The following MARK4 variants were observed in gnomAD, a reference collection of about 807,000 sequenced individuals.
MARK4 encodes the protein microtubule affinity regulating kinase 4.
In MARK4, 19 loss-of-function variants were observed where a neutral mutation model predicts 81.5. The ratio of observed to expected loss-of-function variants is 0.23; its 90% confidence interval spans 0.16 to 0.34. The LOEUF (loss-of-function observed/expected upper bound fraction) is 0.34. MARK4 is among the 10% of genes least tolerant of loss of function. MARK4 has a pLI of 1.00. For missense variants in MARK4, 772 were observed against 1,058.8 expected, an observed-to-expected ratio of 0.73 and a Z score of 3.76; for synonymous variants, 436 against 439.0, an observed-to-expected ratio of 0.99 and a Z score of 0.08.
intron 12 of MARK4, among the ~76,000 whole-genome samples, chr19:45,284,387 A>T (rs1042498783): frequency 6.6e-6 from 1 of 150,696 alleles, no homozygotes; most frequent in African/African-American, 2.4e-5. Flanking sequence ...CAGTGGCGCA[A>T]TCTTGGCTCA....
intron 12 of MARK4, among the ~76,000 whole-genome samples, chr19:45,286,298 C>G (rs1482046666): frequency 6.6e-6 from 1 of 152,066 alleles, no homozygotes; most frequent in East Asian, 2.0e-4. Flanking sequence ...TTGTGATCCA[C>G]CCGCCTTAGC....
chr19:45,300,344 GA>G (rs745730201), intron 16 of MARK4, among the ~76,000 whole-genome samples: 1 of 32,336 alleles, frequency 3.1e-5, no homozygotes, highest in Non-Finnish European at 5.7e-5. Context: ...AACTCCGTCT[GA>G]AAAAAAAAAA....
chr19:45,253,871 C>T (rs1970274979), intron 1 of MARK4, among the ~76,000 whole-genome samples: 1 of 152,148 alleles, frequency 6.6e-6, no homozygotes, highest in Non-Finnish European at 1.5e-5. Context: ...AGTAACCTTA[C>T]CTCTCTGAGC....
At chr19:45,278,179 G>A (rs376826420) in intron 9 of MARK4, 137 bp downstream of exon 9, 7 of 1,306,152 alleles carry the variant, frequency 5.4e-6, no homozygotes, top group South Asian at 1.4e-5. Flanking sequence ...GCTGGTGAGT[G>A]GGGGTAGACA....
chr19:45,260,935 A>G (rs926835797), intron 2 of MARK4, among the ~76,000 whole-genome samples: 1 of 152,186 alleles, frequency 6.6e-6, no homozygotes. Flanking sequence ...AAAAGGGCCC[A>G]CACAGGCTTT....
At chr19:45,299,546 T>C (rs1407575551) in intron 15 of MARK4, among the ~76,000 whole-genome samples, 3 of 152,096 alleles carry the variant, frequency 2.0e-5, no homozygotes, top group Middle Eastern at 3.2e-3. Context: ...TGGCCACTTA[T>C]CTATGTAAGG....
Position 45,302,389 on chromosome 19 carries a change from G to C in MARK4, c.1938G>C (p.Trp646Cys). 1 of 1,614,082 alleles carries C rather than the reference G, an allele frequency of 6.2e-7. No homozygotes were observed. The highest frequency in any genetic ancestry group is 8.5e-7 in the Non-Finnish European group (1 of 1,179,974). ...CTCGCCTCAGTTGCCATCTACCTTG[G>C]GATCAAACGGAAACCGCCCCCCGGC... is the stretch of plus-strand genomic sequence containing the variant. ...GPEVTSCHLP[W>C]DQTETAPRLL... Residue 646 changes from tryptophan (W) to cysteine (C), a missense_variant, in exon 17 of 17, where the codon TGG becomes TGC. By Grantham distance (215) the Trp-to-Cys change is radical. Coordinates refer to ENST00000262891, the MANE Select transcript of MARK4 (RefSeq NM_001199867.2). The surrounding 1 kb of genome is among the most constrained non-coding windows in gnomAD (Gnocchi z 4.9).
intron 6 of MARK4, among the ~76,000 whole-genome samples, chr19:45,265,479 C>A (rs935458790): frequency 4.0e-5 from 6 of 150,736 alleles, no homozygotes; most frequent in Non-Finnish European, 5.9e-5. Context: ...AGTGAGGACA[C>A]CCAGGTGTGT....
chr19:45,283,665 T>A (rs1970706419), intron 12 of MARK4, among the ~76,000 whole-genome samples: 2 of 152,188 alleles, frequency 1.3e-5, no homozygotes, highest in Non-Finnish European at 2.9e-5. Flanking sequence ...GACCACATTT[T>A]GTTTATCCAT....
intron 7 of MARK4, among the ~76,000 whole-genome samples, chr19:45,269,757 A>G (rs1340812653): frequency 1.3e-5 from 2 of 152,236 alleles, no homozygotes; most frequent in Non-Finnish European, 2.9e-5. Flanking sequence ...GGCCTCCCAC[A>G]GCTTCTGTTT....
chr19:45,301,285 C>T (rs576999572), intron 16 of MARK4, among the ~76,000 whole-genome samples: 4 of 152,208 alleles, frequency 2.6e-5, no homozygotes, highest in African/African-American at 9.6e-5. Flanking sequence ...AAGAAGTGGC[C>T]GGGCACTGTG....
At chr19:45,278,730 A>G (rs1165786516) in intron 10 of MARK4, 115 bp downstream of exon 10, 5 of 781,876 alleles carry the variant, frequency 6.4e-6, no homozygotes, top group South Asian at 1.7e-5. Flanking sequence ...CAGCCTCCCA[A>G]GTAGCTGGGA....
chr19:45,303,087 T>G lies in MARK4; in HGVS notation c.*377T>G, dbSNP rs2071315339. 8.1e-6 allele frequency: 2 copies of G among 247,034 alleles called. No individual in the cohort carries two copies. Among genetic ancestry groups the G allele is most frequent in the Admixed American group, 1.0e-4 (2 of 19,436 alleles). 15.3% of individuals were successfully genotyped at this position (247,034 alleles called of 1,614,324 possible). A position where few individuals can be genotyped will look rare whatever the true frequency, so the allele number is the denominator to read the frequency against. ...CAGGGGCAGGGAGAGCTGCTGAGCCTAAAGACTGGAGAATCTGGGGGACTG... is the reference window on the plus strand; with the variant it reads ...CAGGGGCAGGGAGAGCTGCTGAGCCGAAAGACTGGAGAATCTGGGGGACTG... On this transcript the variant is annotated 3_prime_UTR_variant, in exon 17 of 17. Coordinates refer to ENST00000262891, the MANE Select transcript of MARK4 (RefSeq NM_001199867.2).
chr19:45,297,181 G>A (rs187053792), intron 14 of MARK4, among the ~76,000 whole-genome samples: 330 of 152,278 alleles, frequency 2.2e-3, no homozygotes, highest in African/African-American at 7.5e-3. Context: ...AGGAGGGTCC[G>A]AGGGGCTGGA....
chr19:45,289,256 G>A (rs1298708020), intron 13 of MARK4, among the ~76,000 whole-genome samples: 5 of 151,388 alleles, frequency 3.3e-5, no homozygotes, highest in South Asian at 2.1e-4. Flanking sequence ...CTGTGGTGGC[G>A]CATGCCTGTA....
chr19:45,299,773 G>A, intron 15 of MARK4, 38 bp from the exon 16 acceptor site: 1 of 1,560,428 alleles, frequency 6.4e-7, no homozygotes, highest in Non-Finnish European at 8.7e-7. Flanking sequence ...GGTTCCCTAT[G>A]TCCAGATTAG....
chr19:45,284,325 CTTTTTT>C (rs766141024), intron 12 of MARK4, among the ~76,000 whole-genome samples: 1 of 140,486 alleles, frequency 7.1e-6, no homozygotes, highest in Admixed American at 7.1e-5. Flanking sequence ...GATTTCTTTT[CTTTTTT>C]TTTTTTTTGG....
At position 45,286,050 on chromosome 19, in the gene MARK4, TTTGTTG is replaced by T. The variant is rs1056251712; in HGVS notation, c.1277-1391_1277-1386del. 1.7e-4 allele frequency among the ~76,000 whole-genome samples: 26 copies of T among 152,232 alleles called. No individual in the cohort carries two copies. In the East Asian group the frequency reaches 5.0e-3, roughly 29 times the overall value. On this transcript the variant is annotated intron_variant, in intron 12 of 16. Coordinates refer to ENST00000262891, the MANE Select transcript of MARK4 (RefSeq NM_001199867.2). ...TCAAATGCAGCAACTGTTACGGTTT[TTTGTTG>T]TTGTTTTTGTTTTGTTTTTTGACGG...
chr19:45,270,183 G>A (rs554355866), intron 7 of MARK4, among the ~76,000 whole-genome samples: 67 of 152,210 alleles, frequency 4.4e-4, no homozygotes, highest in African/African-American at 1.5e-3. Flanking sequence ...AGCACTTTAC[G>A]CTTAAACCCA....
Sources: allele counts gnomAD v4.1 joint callset (sites outside exome capture counted in the v4.1 genomes callset), GRCh38; gene constraint gnomAD v4.1.1; non-coding constraint Gnocchi (gnomAD v3.1); transcripts MANE v1.5; gene names NCBI Gene and HGNC (gene_info 2026-07-23, HGNC 2026-07-21).